The following SPAG16 variants were observed in gnomAD, a reference collection of about 807,000 sequenced individuals.
The protein encoded by SPAG16 is sperm associated antigen 16, also known as sperm-associated antigen 16 protein.
A neutral mutation model predicts 80.4 loss-of-function variants in SPAG16; 86 were observed. The observed-to-expected ratio is 1.07, with a 90% confidence interval of 0.90 to 1.28. The LOEUF is 1.28. Ranked by LOEUF, SPAG16 falls within the 50% of genes most tolerant of loss-of-function variation. The pLI is 0.00. For missense variants in SPAG16, 870 were observed against 765.3 expected, an observed-to-expected ratio of 1.14 and a Z score of -1.61; for synonymous variants, 294 against 265.9, an observed-to-expected ratio of 1.11 and a Z score of -1.03.
chr2:213,897,965 G>A (rs1348951246), intron 11 of SPAG16, among the ~76,000 whole-genome samples: 2 of 152,154 alleles, frequency 1.3e-5, no homozygotes, highest in African/African-American at 4.8e-5. Context: ...CCAGGCAAGT[G>A]ACAATTTTTA....
intron 15 of SPAG16, among the ~76,000 whole-genome samples, chr2:214,211,381 A>C (rs574793711): frequency 2.6e-5 from 4 of 152,214 alleles, no homozygotes; most frequent in African/African-American, 9.6e-5. Context: ...CCACACTGTC[A>C]TATGGGTACA....
At chr2:214,272,583 T>C (rs2125896108) in intron 15 of SPAG16, among the ~76,000 whole-genome samples, 1 of 152,302 alleles carries the variant, frequency 6.6e-6, no homozygotes, top group South Asian at 2.1e-4. Context: ...AGAATGATGG[T>C]TTCCAGCTTC....
intron 15 of SPAG16, among the ~76,000 whole-genome samples, chr2:214,264,705 T>C (rs1327850751): frequency 1.3e-5 from 2 of 152,158 alleles, no homozygotes; most frequent in African/African-American, 4.8e-5. Context: ...TATAACATCA[T>C]GCATCCATCA....
Position 213,320,286 on chromosome 2 carries a change from A to T in SPAG16, c.536+2930A>T, listed in dbSNP as rs141684646. On this transcript the variant is annotated intron_variant, in intron 5 of 15. Coordinates refer to ENST00000331683, the MANE Select transcript of SPAG16 (RefSeq NM_024532.5). ...TGATATTTTGATACATATGTATCAAATACATTTGTACATATGATAATTGTA... is the reference window on the plus strand; with the variant it reads ...TGATATTTTGATACATATGTATCAATTACATTTGTACATATGATAATTGTA... 1.6e-4 allele frequency among the ~76,000 whole-genome samples: 25 copies of T among 152,094 alleles called. No homozygotes were observed. The East Asian group carries it at 4.8e-3, about 29-fold the overall frequency.
chr2:213,719,131 A>G (rs1337906543), intron 10 of SPAG16, among the ~76,000 whole-genome samples: 1 of 149,398 alleles, frequency 6.7e-6, no homozygotes, highest in African/African-American at 2.5e-5. Context: ...AAATACACCA[A>G]TCGGCACTCT....
At chr2:213,310,313 A>T (rs1410298193) in intron 4 of SPAG16, 136 bp downstream of exon 4, 2 of 461,586 alleles carry the variant, frequency 4.3e-6, no homozygotes, top group African/African-American at 2.2e-5. Flanking sequence ...CCAGCCCTGA[A>T]ACCACAACAC....
chr2:213,921,252 T>A (rs1439097256), intron 11 of SPAG16, among the ~76,000 whole-genome samples: 1 of 152,210 alleles, frequency 6.6e-6, no homozygotes, highest in Non-Finnish European at 1.5e-5. Context: ...TTGAAACTAT[T>A]GCCATTATAT....
At chr2:213,508,984 A>C (rs1575785824) in intron 10 of SPAG16, among the ~76,000 whole-genome samples, 1 of 147,902 alleles carries the variant, frequency 6.8e-6, no homozygotes, top group East Asian at 2.0e-4. Context: ...TCTATACAAT[A>C]TTTTCTTTTC....
At position 213,559,865 on chromosome 2, in the gene SPAG16, G is replaced by T. The variant is rs1487539576; in HGVS notation, c.1070+69775G>T. ...TTATTCTACATTACTTTTAATGATT[G>T]ACAATCAATATTTTAAACACGGCAT... On this transcript the variant is annotated intron_variant, in intron 10 of 15. Transcript: ENST00000331683. Among the ~76,000 whole-genome samples the T allele has an allele frequency of 1.3e-5, 2 of 151,908 alleles. 1 individual carries two copies. The highest frequency in any genetic ancestry group is 4.8e-5 in the African/African-American group (2 of 41,360).
At chr2:213,938,842 C>A (rs983011022) in intron 12 of SPAG16, among the ~76,000 whole-genome samples, 2 of 150,870 alleles carry the variant, frequency 1.3e-5, no homozygotes, top group Non-Finnish European at 3.0e-5. Context: ...AAAATCATTT[C>A]TATTTAGATA....
At chr2:214,255,055 G>A (rs1690582335) in intron 15 of SPAG16, among the ~76,000 whole-genome samples, 1 of 152,026 alleles carries the variant, frequency 6.6e-6, no homozygotes, top group Non-Finnish European at 1.5e-5. Context: ...AATATGCATA[G>A]TAAACTAACA....
At chr2:214,071,938 G>A (rs1209437301) in intron 13 of SPAG16, among the ~76,000 whole-genome samples, 2 of 151,940 alleles carry the variant, frequency 1.3e-5, no homozygotes, top group Non-Finnish European at 2.9e-5. Flanking sequence ...CTGAGTTTAG[G>A]TTTTAAAAAT....
At chr2:213,322,258 A>T (rs948179362) in intron 5 of SPAG16, among the ~76,000 whole-genome samples, 1 of 145,922 alleles carries the variant, frequency 6.9e-6, no homozygotes, top group Non-Finnish European at 1.5e-5. Context: ...AGTTTTATTA[A>T]TTAAAACCTT....
At chr2:214,161,228 G>A (rs539725578) in intron 15 of SPAG16, among the ~76,000 whole-genome samples, 1 of 152,154 alleles carries the variant, frequency 6.6e-6, no homozygotes, top group Non-Finnish European at 1.5e-5. Flanking sequence ...TTGATTTCAT[G>A]TTTTTGCTAT....
chr2:213,642,133 G>C (rs1016207252), intron 10 of SPAG16, among the ~76,000 whole-genome samples: 1 of 152,190 alleles, frequency 6.6e-6, no homozygotes, highest in South Asian at 2.1e-4. Context: ...ATGTGTGTTT[G>C]GGGGCAGACT....
chr2:213,943,244 A>G (rs1477251202), intron 12 of SPAG16, among the ~76,000 whole-genome samples: 1 of 152,166 alleles, frequency 6.6e-6, no homozygotes, highest in Non-Finnish European at 1.5e-5. Context: ...AAAATGTGGA[A>G]GTGTCTTTGG....
intron 9 of SPAG16, among the ~76,000 whole-genome samples, chr2:213,391,365 AT>A (rs1192051016): frequency 6.6e-6 from 1 of 152,154 alleles, no homozygotes; most frequent in African/African-American, 2.4e-5. Context: ...ATCATAATCA[AT>A]TTTTTGTTTA....
chr2:214,248,846 G>T (rs1237508492), intron 15 of SPAG16, among the ~76,000 whole-genome samples: 1 of 152,140 alleles, frequency 6.6e-6, no homozygotes, highest in African/African-American at 2.4e-5. Flanking sequence ...AGGACTCTCA[G>T]ATATAGTTAA....
chr2:213,428,097 A>G (rs1049486027), intron 9 of SPAG16, among the ~76,000 whole-genome samples: 4 of 152,208 alleles, frequency 2.6e-5, no homozygotes, highest in African/African-American at 9.6e-5. Context: ...AGAATTCACA[A>G]TGTGAAACTT....
Sources: gnomAD v4.1 joint callset for allele counts (sites outside exome capture counted in the v4.1 genomes callset) on GRCh38, gnomAD v4.1.1 for gene constraint, MANE v1.5 for transcripts, NCBI Gene and HGNC (gene_info 2026-07-23, HGNC 2026-07-21) for gene names.